KIF13B: variants seen among roughly 807,000 people sequenced by gnomAD.
KIF13B encodes the protein kinesin family member 13B.
KIF13B carries 127 observed loss-of-function variants against 222.0 expected under a neutral mutation model. That is an observed-to-expected ratio of 0.57 (90% CI 0.50 to 0.66). The LOEUF (loss-of-function observed/expected upper bound fraction) is 0.66, where lower values mean the gene tolerates loss of function less well. Among genes scored for constraint, KIF13B ranks in the 30% least tolerant of loss-of-function variants. KIF13B has a pLI of 0.00. For missense variants in KIF13B, 2,173 were observed against 2,379.0 expected (o/e 0.91, Z 1.80); for synonymous variants, 976 against 919.0 (o/e 1.06, Z -1.12).
chr8:29,103,606 CA>C (rs1025637107), intron 35 of KIF13B, among the ~76,000 whole-genome samples: 4 of 152,096 alleles, frequency 2.6e-5, no homozygotes, highest in African/African-American at 9.7e-5. Flanking sequence ...GAATAGTTAA[CA>C]AAACTATTTT....
At position 29,153,499 on chromosome 8, in the gene KIF13B, G is replaced by A. The variant is rs183073189; in HGVS notation, c.1535+2227C>T. ...ATACCACTAAGGGAAGAATTTGGAA[G>A]GGCGGGAAATAATTAAGAGTATGCA... On this transcript the variant is annotated intron_variant, in intron 14 of 39. Transcript: ENST00000524189. Among the ~76,000 whole-genome samples the A allele has an allele frequency of 1.3e-4, 7 of 53,408 alleles. No individual in the cohort carries two copies. In the East Asian group the frequency reaches 1.6e-3, roughly 12 times the overall value. 35.0% of individuals were successfully genotyped at this position (53,408 alleles called of 152,430 possible).
intron 2 of KIF13B, among the ~76,000 whole-genome samples, chr8:29,240,147 T>C (rs1397111357): frequency 6.6e-6 from 1 of 151,940 alleles, no homozygotes; most frequent in East Asian, 1.9e-4. Flanking sequence ...ATTTTTTTTT[T>C]GGTCTTTAAA....
intron 22 of KIF13B, among the ~76,000 whole-genome samples, chr8:29,132,745 T>C (rs1214643591): frequency 1.3e-5 from 2 of 152,222 alleles, no homozygotes; most frequent in Non-Finnish European, 2.9e-5. Flanking sequence ...AGCAATATTT[T>C]GGGAGCTATT....
rs973630955 is a variant in KIF13B at position 29,069,372 on chromosome 8, C to T, written c.*1132G>A. The T allele has an allele frequency of 5.9e-5, 9 of 152,396 alleles. No homozygotes were observed. Among genetic ancestry groups the T allele is most frequent in the Non-Finnish European group, 1.0e-4 (7 of 68,202 alleles). The allele number at this position is 152,396 out of a possible 1,614,324, so 9.4% of individuals were successfully genotyped here. On this transcript the variant is annotated 3_prime_UTR_variant, in exon 40 of 40. Coordinates refer to ENST00000524189, the MANE Select transcript of KIF13B (RefSeq NM_015254.4). The stretch of plus-strand genomic sequence containing the variant: ...AGCACACTCCCTGCACCAGCCCAGC[C>T]GCCAGGCCCCAGCCCCACACTCTGA...
intron 27 of KIF13B, 115 bp from the exon 28 acceptor site, chr8:29,123,607 C>G: frequency 7.2e-7 from 1 of 1,387,604 alleles, no homozygotes; most frequent in South Asian, 1.3e-5. Flanking sequence ...AAGTGCTCCC[C>G]AGTGATAAAA....
chr8:29,142,308 A>G lies in KIF13B; in HGVS notation c.2188-5T>C. On this transcript the variant is annotated splice_polypyrimidine_tract_variant and splice_region_variant and intron_variant, in intron 18 of 39. Coordinates refer to ENST00000524189, the MANE Select transcript of KIF13B (RefSeq NM_015254.4). ...CTCACTAAGAAGAGAGCCTCGCTGC[A>G]AAGAGAGTAAGAATGACCGTGAGAA... is the stretch of plus-strand genomic sequence containing the variant. 1 of 1,608,842 alleles carries G rather than the reference A, an allele frequency of 6.2e-7. No homozygotes were observed. The highest frequency in any genetic ancestry group is 1.1e-5 in the South Asian group (1 of 90,464).
intron 1 of KIF13B, among the ~76,000 whole-genome samples, chr8:29,258,672 A>G (rs530222821): frequency 6.6e-6 from 1 of 152,214 alleles, no homozygotes; most frequent in South Asian, 2.1e-4. Flanking sequence ...TCCTCCTCAA[A>G]GAATACATGC....
At chr8:29,078,050 C>T (rs2133491221) in intron 37 of KIF13B, among the ~76,000 whole-genome samples, 1 of 142,336 alleles carries the variant, frequency 7.0e-6, no homozygotes, top group Non-Finnish European at 1.5e-5. Context: ...TGGGAGGCCG[C>T]AGCAGGAGGA....
At chr8:29,099,274 A>G (rs776348910) in intron 35 of KIF13B, 33 bp from the exon 36 acceptor site, 2 of 1,482,058 alleles carry the variant, frequency 1.3e-6, no homozygotes, top group South Asian at 2.4e-5. Flanking sequence ...TTTTGTTTCA[A>G]GTTATTCAAT....
chr8:29,133,091 A>AAACGGATTAG (rs1262800070), intron 22 of KIF13B, among the ~76,000 whole-genome samples: 1 of 152,188 alleles, frequency 6.6e-6, no homozygotes, highest in East Asian at 1.9e-4. Context: ...TTTTGGCTTT[A>AAACGGATTAG]AACGGATTAG....
At chr8:29,210,403 C>A (rs1814166976) in intron 2 of KIF13B, among the ~76,000 whole-genome samples, 1 of 152,196 alleles carries the variant, frequency 6.6e-6, no homozygotes. Context: ...TCCAGGCACA[C>A]CAGCAGAAAT....
chr8:29,220,765 T>C lies in KIF13B; in HGVS notation c.150-24566A>G, dbSNP rs1586944507. On this transcript the variant is annotated intron_variant, in intron 2 of 39. Transcript: ENST00000524189. ...GAAGGAGAAACACGGGGTCTCATAA[T>C]GTTGGTAAGAAAAGAGTAGAGAGAT... Among the ~76,000 whole-genome samples the C allele has an allele frequency of 2.6e-5, 4 of 152,246 alleles. No homozygotes were observed. In the East Asian group the frequency reaches 7.7e-4, roughly 29 times the overall value.
At chr8:29,233,813 C>T (rs1479684012) in intron 2 of KIF13B, among the ~76,000 whole-genome samples, 2 of 152,176 alleles carry the variant, frequency 1.3e-5, no homozygotes, top group African/African-American at 4.8e-5. Context: ...ATGATCACAT[C>T]ACTGCACTCC....
At chr8:29,160,038 T>C (rs993993798) in intron 13 of KIF13B, among the ~76,000 whole-genome samples, 1 of 152,134 alleles carries the variant, frequency 6.6e-6, no homozygotes. Context: ...TCATATATGA[T>C]AAGTAATTTG....
intron 38 of KIF13B, among the ~76,000 whole-genome samples, chr8:29,072,724 C>A (rs1409363112): frequency 6.6e-6 from 1 of 152,152 alleles, no homozygotes; most frequent in African/African-American, 2.4e-5. Context: ...TACTTTTTAC[C>A]TTTCATACAA....
chr8:29,221,471 A>C (rs914648180), intron 2 of KIF13B, among the ~76,000 whole-genome samples: 3 of 152,000 alleles, frequency 2.0e-5, no homozygotes, highest in Non-Finnish European at 2.9e-5. Context: ...TATTTAAAAA[A>C]AAAAAAAAAG....
At chr8:29,208,151 T>G (rs1194146465) in intron 2 of KIF13B, among the ~76,000 whole-genome samples, 2 of 152,190 alleles carry the variant, frequency 1.3e-5, no homozygotes, top group African/African-American at 4.8e-5. Flanking sequence ...CTTAAAAAGC[T>G]TTAAATAAAA....
chr8:29,139,394 C>T (rs1461856516), intron 21 of KIF13B, among the ~76,000 whole-genome samples: 1 of 152,122 alleles, frequency 6.6e-6, no homozygotes, highest in East Asian at 1.9e-4. Context: ...TCTCCATCTC[C>T]GATCATCACA....
chr8:29,158,821 C>G (rs993660315), intron 13 of KIF13B, among the ~76,000 whole-genome samples: 4 of 151,078 alleles, frequency 2.6e-5, no homozygotes, highest in Admixed American at 6.6e-5. Flanking sequence ...CACCTCCACA[C>G]AAGATGACCA....
Sources: allele counts gnomAD v4.1 joint callset (sites outside exome capture counted in the v4.1 genomes callset), GRCh38; gene constraint gnomAD v4.1.1; transcripts MANE v1.5; gene names NCBI Gene and HGNC (gene_info 2026-07-23, HGNC 2026-07-21).